The following PDCL2 variants were observed in gnomAD, a reference collection of about 807,000 sequenced individuals.
The protein encoded by PDCL2 is phosducin-like protein 2.
Under a neutral mutation model 30.3 loss-of-function variants are expected in PDCL2, and 23 were observed. The observed-to-expected ratio is 0.76, with a 90% CI of 0.55 to 1.08. The LOEUF (loss-of-function observed/expected upper bound fraction) is 1.08, where lower values mean the gene tolerates loss of function less well. Ranked by LOEUF, PDCL2 falls within the 50% of genes least tolerant of loss-of-function variation. PDCL2 has a pLI of 0.00. For synonymous variants in PDCL2, 68 were observed against 86.2 expected, an observed-to-expected ratio of 0.79 and a Z score of 1.17; for missense variants, 243 against 282.3, an observed-to-expected ratio of 0.86 and a Z score of 1.00.
intron 1 of PDCL2, among the ~76,000 whole-genome samples, chr4:55,585,801 T>C (rs974368490): frequency 6.6e-6 from 1 of 152,230 alleles, no homozygotes; most frequent in Non-Finnish European, 1.5e-5. Context: ...GATTTATCCA[T>C]TTCTTCTAGG....
intron 4 of PDCL2, among the ~76,000 whole-genome samples, chr4:55,569,231 A>G (rs919061004): frequency 5.9e-5 from 9 of 152,150 alleles, no homozygotes; most frequent in African/African-American, 2.2e-4. Flanking sequence ...TTTTCTTTCC[A>G]ACACCTTTAT....
chr4:55,579,388 G>A (rs1170809127), intron 3 of PDCL2, among the ~76,000 whole-genome samples: 1 of 152,148 alleles, frequency 6.6e-6, no homozygotes, highest in Non-Finnish European at 1.5e-5. Context: ...GGAGTGCAAT[G>A]GCACGATCTT....
At chr4:55,557,523 C>T (rs941092500) in intron 5 of PDCL2, among the ~76,000 whole-genome samples, 1 of 152,074 alleles carries the variant, frequency 6.6e-6, no homozygotes, top group Non-Finnish European at 1.5e-5. Context: ...TTCATGAGGG[C>T]AGAGACCTCA....
chr4:55,571,384 G>A (rs1415304332), intron 3 of PDCL2, among the ~76,000 whole-genome samples: 1 of 151,250 alleles, frequency 6.6e-6, no homozygotes, highest in African/African-American at 2.4e-5. Context: ...ACAAAACCCT[G>A]GGTATATTTT....
chr4:55,569,581 C>A (rs972446), intron 4 of PDCL2, 137 bp downstream of exon 4: 320,191 of 432,542 alleles, frequency 0.74, 119,525 homozygotes, highest in East Asian at 0.86. Context: ...ACTATCAAAA[C>A]CTCTATGGAT....
At chr4:55,572,786 AGTCT>A (rs1362967305) in intron 3 of PDCL2, among the ~76,000 whole-genome samples, 1 of 152,074 alleles carries the variant, frequency 6.6e-6, no homozygotes, top group Non-Finnish European at 1.5e-5. Flanking sequence ...TTTGGGATGG[AGTCT>A]GTCTCTGTCG....
chr4:55,583,489 G>C (rs933454703), intron 1 of PDCL2, among the ~76,000 whole-genome samples: 5 of 152,030 alleles, frequency 3.3e-5, no homozygotes, highest in African/African-American at 1.2e-4. Flanking sequence ...TCACTGCTTG[G>C]ACCAATAGTG....
At chr4:55,562,283 T>C (rs909150718) in intron 5 of PDCL2, 121 bp downstream of exon 5, 1 of 530,292 alleles carries the variant, frequency 1.9e-6, no homozygotes, top group Non-Finnish European at 3.1e-6. Flanking sequence ...TCTGGAGGCA[T>C]ATAAAAAGAG....
intron 4 of PDCL2, among the ~76,000 whole-genome samples, chr4:55,566,429 C>CTTTTTTTT (rs59299412): frequency 1.4e-4 from 18 of 126,898 alleles, no homozygotes; most frequent in East Asian, 2.3e-4. Context: ...TCCTTTTTCT[C>CTTTTTTTT]TTTTTTTTTT....
rs112566961 is a variant in PDCL2 at position 55,588,669 on chromosome 4, T to A, written c.6+3435A>T. Among the ~76,000 whole-genome samples the A allele has an allele frequency of 6.3e-3, 958 of 152,264 alleles. 7 individuals carry two copies. Among genetic ancestry groups the A allele is most frequent in the African/African-American group, 0.022 (929 of 41,548 alleles). ...TATTTCAGATTCACAAAGTCTAAGA[T>A]AAGGTTCCAACTTCATTCTTTTGCA... On this transcript the variant is annotated intron_variant, in intron 1 of 5. Transcript: ENST00000295645.
intron 3 of PDCL2, among the ~76,000 whole-genome samples, chr4:55,570,988 A>T (rs1732406702): frequency 6.6e-6 from 1 of 152,216 alleles, no homozygotes; most frequent in Non-Finnish European, 1.5e-5. Context: ...TGAAATAGCA[A>T]ACACTGTTCA....
chr4:55,584,241 TTTG>T (rs1560505175), intron 1 of PDCL2, among the ~76,000 whole-genome samples: 1 of 67,284 alleles, frequency 1.5e-5, no homozygotes, highest in Non-Finnish European at 3.4e-5. Context: ...CTAGTTTTTT[TTTG>T]TTGTTGTTGT....
At chr4:55,557,807 A>G (rs1732011368) in intron 5 of PDCL2, among the ~76,000 whole-genome samples, 1 of 151,992 alleles carries the variant, frequency 6.6e-6, no homozygotes, top group Non-Finnish European at 1.5e-5. Context: ...CTGTGAGCCT[A>G]TAAAATTAAA....
intron 1 of PDCL2, among the ~76,000 whole-genome samples, chr4:55,585,542 AGACACACACACACACACAC>A (rs1560505579): frequency 6.6e-6 from 1 of 151,928 alleles, no homozygotes; most frequent in African/African-American, 2.4e-5. Flanking sequence ...ACACACACAC[AGACACACACACACACACAC>A]AAAGATTTAG....
intron 5 of PDCL2, among the ~76,000 whole-genome samples, chr4:55,558,043 C>A (rs1732021100): frequency 6.6e-6 from 1 of 150,750 alleles, no homozygotes; most frequent in Non-Finnish European, 1.5e-5. Context: ...ATCGCTTGAA[C>A]CCAGGAGGCA....
intron 1 of PDCL2, among the ~76,000 whole-genome samples, chr4:55,589,370 T>A (rs1344062868): frequency 6.6e-6 from 1 of 152,118 alleles, no homozygotes; most frequent in East Asian, 1.9e-4. Flanking sequence ...GGATTTATAT[T>A]TTTTTTCTTC....
intron 4 of PDCL2, 77 bp from the exon 5 acceptor site, chr4:55,562,689 G>A (rs538743553): frequency 2.2e-5 from 20 of 930,104 alleles, no homozygotes; most frequent in African/African-American, 1.2e-4. Flanking sequence ...GTAAAATATC[G>A]CCATGGCAAA....
intron 1 of PDCL2, among the ~76,000 whole-genome samples, chr4:55,587,441 CTT>C (rs1732892931): frequency 6.6e-6 from 1 of 151,682 alleles, no homozygotes; most frequent in African/African-American, 2.4e-5. Flanking sequence ...GGTTGTTTGT[CTT>C]TTTGTTGTTG....
chr4:55,577,828 C>T (rs924014478), intron 3 of PDCL2, among the ~76,000 whole-genome samples: 1 of 152,120 alleles, frequency 6.6e-6, no homozygotes, highest in African/African-American at 2.4e-5. Context: ...TTCTGGGCTT[C>T]CTCAAGTACA....
Sources: gnomAD v4.1 joint callset for allele counts (sites outside exome capture counted in the v4.1 genomes callset) on GRCh38, gnomAD v4.1.1 for gene constraint, MANE v1.5 for transcripts, NCBI Gene and HGNC (gene_info 2026-07-23, HGNC 2026-07-21) for gene names.